SCAMP1: variants seen among roughly 807,000 people sequenced by gnomAD.
SCAMP1 encodes the protein secretory carrier membrane protein 1.
In SCAMP1, 15 loss-of-function variants were observed where a neutral mutation model predicts 41.8. The ratio of observed to expected loss-of-function variants is 0.36; its 90% CI spans 0.24 to 0.55. SCAMP1 has a LOEUF of 0.55. SCAMP1 is among the 20% of genes least tolerant of loss of function. SCAMP1 has a pLI of 0.86. For missense variants in SCAMP1, 341 were observed against 412.6 expected (o/e 0.83, Z 1.50); for synonymous variants, 135 against 136.8 (o/e 0.99, Z 0.09).
At chr5:78,467,027 G>T (rs951058854) in intron 8 of SCAMP1, among the ~76,000 whole-genome samples, 1 of 152,078 alleles carries the variant, frequency 6.6e-6, no homozygotes, top group Non-Finnish European at 1.5e-5. Context: ...AATGGTTTGG[G>T]GATCAAGATG....
Position 78,459,349 on chromosome 5 carries a change from T to C in SCAMP1, c.839T>C (p.Val280Ala). The C allele has an allele frequency of 1.3e-6, 2 of 1,527,728 alleles. No individual in the cohort carries two copies. The highest frequency in any genetic ancestry group is 1.8e-6 in the Non-Finnish European group (2 of 1,106,870). 94.6% of individuals were successfully genotyped at this position (1,527,728 alleles called of 1,614,324 possible). A position where few individuals can be genotyped will look rare whatever the true frequency, so the allele number is the denominator to read the frequency against. The change falls in exon 8 of 9, where the codon GTT (valine) becomes GCT (alanine). Residue 280 changes from valine (V) to alanine (A), a missense_variant. Coordinates refer to ENST00000621999, the MANE Select transcript of SCAMP1 (RefSeq NM_004866.6). ...LFTASAVISLVMFKKVHGLYR... is the reference protein window; with the variant it reads ...LFTASAVISLAMFKKVHGLYR... ...ACAGCATCAGCAGTCATCTCACTAG[T>C]TATGTTCAAAAAAGTAAGTGAAATT...
At chr5:78,462,850 A>C (rs1317553087) in intron 8 of SCAMP1, among the ~76,000 whole-genome samples, 1 of 152,196 alleles carries the variant, frequency 6.6e-6, no homozygotes, top group Non-Finnish European at 1.5e-5. Context: ...TTTTATATGT[A>C]TTCAAACATG....
At chr5:78,389,744 T>C (rs1302636156) in intron 2 of SCAMP1, among the ~76,000 whole-genome samples, 1 of 152,170 alleles carries the variant, frequency 6.6e-6, no homozygotes, top group Non-Finnish European at 1.5e-5. Context: ...TTTTGATGAT[T>C]TTATTGTGAC....
At chr5:78,424,612 T>C (rs1381239644) in intron 6 of SCAMP1, among the ~76,000 whole-genome samples, 1 of 151,922 alleles carries the variant, frequency 6.6e-6, no homozygotes, top group East Asian at 1.9e-4. Flanking sequence ...GTTTCTGTAA[T>C]CCCAGCTCGA....
chr5:78,398,259 G>C (rs889676643), intron 2 of SCAMP1, among the ~76,000 whole-genome samples: 1 of 150,774 alleles, frequency 6.6e-6, no homozygotes, highest in Admixed American at 6.6e-5. Flanking sequence ...GTTGAACCTT[G>C]AAAACATTAT....
At position 78,432,021 on chromosome 5, in the gene SCAMP1, A is replaced by T. The variant is rs1752637377; in HGVS notation, c.632+10061A>T. On this transcript the variant is annotated intron_variant, in intron 6 of 8. Transcript: ENST00000621999. ...TAAAATCTACAATTATTTTGACAAT[A>T]GTCACCCTGTCGTGCTATCAAATAC... Among the ~76,000 whole-genome samples, 7 of 152,234 alleles carry T rather than the reference A, an allele frequency of 4.6e-5. No homozygotes were observed. In the South Asian group the frequency reaches 1.5e-3, roughly 32 times the overall value.
At chr5:78,375,711 C>A (rs2112058549) in intron 1 of SCAMP1, among the ~76,000 whole-genome samples, 1 of 152,202 alleles carries the variant, frequency 6.6e-6, no homozygotes, top group East Asian at 1.9e-4. Context: ...CTCTTGTCAT[C>A]CTTTGTAATT....
intron 2 of SCAMP1, among the ~76,000 whole-genome samples, chr5:78,403,031 T>G (rs949860314): frequency 6.6e-6 from 1 of 152,120 alleles, no homozygotes; most frequent in Non-Finnish European, 1.5e-5. Flanking sequence ...CCATCACACC[T>G]GGCTAATTTT....
chr5:78,416,126 G>A (rs1277812549), intron 3 of SCAMP1, among the ~76,000 whole-genome samples: 2 of 152,054 alleles, frequency 1.3e-5, no homozygotes, highest in Admixed American at 6.6e-5. Flanking sequence ...TCTTGCATTG[G>A]TGGCCTTATA....
intron 2 of SCAMP1, among the ~76,000 whole-genome samples, chr5:78,393,610 C>G (rs531286322): frequency 1.8e-4 from 27 of 152,272 alleles, no homozygotes; most frequent in African/African-American, 6.3e-4. Flanking sequence ...TGTGGCTAGT[C>G]TGAATTGAGA....
intron 5 of SCAMP1, among the ~76,000 whole-genome samples, chr5:78,420,384 G>A (rs1752313488): frequency 6.6e-6 from 1 of 152,170 alleles, no homozygotes; most frequent in African/African-American, 2.4e-5. Flanking sequence ...AAGGCAGCTG[G>A]ATGCTATTTA....
chr5:78,395,648 C>A (rs1019066351), intron 2 of SCAMP1, among the ~76,000 whole-genome samples: 1 of 152,216 alleles, frequency 6.6e-6, no homozygotes, highest in Non-Finnish European at 1.5e-5. Flanking sequence ...AATTTATATC[C>A]TGGTGGTCGT....
At chr5:78,473,809 C>T (rs1263529431) in intron 8 of SCAMP1, among the ~76,000 whole-genome samples, 1 of 152,144 alleles carries the variant, frequency 6.6e-6, no homozygotes, top group Non-Finnish European at 1.5e-5. Context: ...TAGACAGTTT[C>T]ATAAATGCCA....
intron 2 of SCAMP1, 120 bp from the exon 3 acceptor site, chr5:78,415,400 G>C: frequency 3.2e-6 from 2 of 629,374 alleles, no homozygotes. Flanking sequence ...GACTATGAGA[G>C]AGCAGGGAAT....
chr5:78,428,112 A>G (rs893578303), intron 6 of SCAMP1, among the ~76,000 whole-genome samples: 2 of 151,886 alleles, frequency 1.3e-5, no homozygotes, highest in African/African-American at 4.8e-5. Context: ...CTTTTGCATA[A>G]CCCATGGCCA....
intron 8 of SCAMP1, among the ~76,000 whole-genome samples, chr5:78,462,887 A>G (rs1393476240): frequency 6.6e-6 from 1 of 152,232 alleles, no homozygotes; most frequent in Non-Finnish European, 1.5e-5. Flanking sequence ...AATAACACCT[A>G]TGTTTTAAAT....
At chr5:78,374,900 C>T (rs377491707) in intron 1 of SCAMP1, among the ~76,000 whole-genome samples, 3 of 152,080 alleles carry the variant, frequency 2.0e-5, no homozygotes, top group African/African-American at 4.8e-5. Flanking sequence ...TTATTAAGCA[C>T]GTATCACAGT....
At chr5:78,432,450 G>T (rs1015316290) in intron 6 of SCAMP1, among the ~76,000 whole-genome samples, 1 of 152,018 alleles carries the variant, frequency 6.6e-6, no homozygotes, top group Non-Finnish European at 1.5e-5. Flanking sequence ...ATCTTTGAAA[G>T]ATATTATCAA....
At chr5:78,383,351 T>C (rs1167470665) in intron 1 of SCAMP1, among the ~76,000 whole-genome samples, 1 of 152,166 alleles carries the variant, frequency 6.6e-6, no homozygotes, top group African/African-American at 2.4e-5. Context: ...TTGTCAAATG[T>C]ATAGATTGTG....
Sources: gnomAD v4.1 joint callset for allele counts (sites outside exome capture counted in the v4.1 genomes callset) on GRCh38, gnomAD v4.1.1 for gene constraint, MANE v1.5 for transcripts, NCBI Gene and HGNC (gene_info 2026-07-23, HGNC 2026-07-21) for gene names.